The following PIEZO2 variants were observed in gnomAD, a reference collection of about 807,000 sequenced individuals.
PIEZO2 encodes piezo type mechanosensitive ion channel component 2.
PIEZO2 carries 172 observed loss-of-function variants against 337.3 expected under a neutral mutation model. That is an observed-to-expected ratio of 0.51 (90% confidence interval 0.45 to 0.58). The LOEUF (loss-of-function observed/expected upper bound fraction) is 0.58, where lower values mean the gene tolerates loss of function less well. PIEZO2 is among the 20% of genes least tolerant of loss of function. PIEZO2 has a pLI of 0.00. For missense variants in PIEZO2, 3,028 were observed against 3,391.3 expected (o/e 0.89, Z 2.66); for synonymous variants, 1,251 against 1,228.5 (o/e 1.02, Z -0.38).
chr18:11,076,213 T>C (rs1329040105), intron 1 of PIEZO2, among the ~76,000 whole-genome samples: 1 of 152,218 alleles, frequency 6.6e-6, no homozygotes. Context: ...AACTGATCAG[T>C]CAAGTATTCC....
chr18:10,843,353 A>G (rs1380201837), intron 7 of PIEZO2, among the ~76,000 whole-genome samples: 1 of 151,972 alleles, frequency 6.6e-6, no homozygotes, highest in East Asian at 1.9e-4. Flanking sequence ...ATAGCTAAGT[A>G]ATTGTTTTAT....
chr18:10,823,439 A>T (rs1055686957), intron 7 of PIEZO2, among the ~76,000 whole-genome samples: 29 of 152,142 alleles, frequency 1.9e-4, no homozygotes, highest in Admixed American at 2.6e-4. Flanking sequence ...ATAGCCCTGA[A>T]TTTTTTCTCA....
intron 2 of PIEZO2, among the ~76,000 whole-genome samples, chr18:11,023,796 G>C (rs943254333): frequency 2.0e-5 from 3 of 152,242 alleles, no homozygotes; most frequent in African/African-American, 7.2e-5. Context: ...TGCCCCGCTG[G>C]GAGGCAGCTA....
chr18:10,997,164 A>G (rs1414660216), intron 2 of PIEZO2, among the ~76,000 whole-genome samples: 1 of 151,998 alleles, frequency 6.6e-6, no homozygotes, highest in Non-Finnish European at 1.5e-5. Context: ...AAAGGTTTTG[A>G]GAACTGAACT....
At chr18:10,844,214 T>G (rs1272666687) in intron 7 of PIEZO2, among the ~76,000 whole-genome samples, 3 of 150,138 alleles carry the variant, frequency 2.0e-5, no homozygotes, top group African/African-American at 7.4e-5. Flanking sequence ...AGGCCAGGAG[T>G]TCGAGACCAG....
At chr18:10,721,288 A>T (rs552118180) in intron 36 of PIEZO2, among the ~76,000 whole-genome samples, 197 of 152,340 alleles carry the variant, frequency 1.3e-3, no homozygotes, top group African/African-American at 4.3e-3. Context: ...CAGTATACAT[A>T]AGGCACATAT....
At chr18:10,983,141 C>T (rs1303222620) in intron 2 of PIEZO2, among the ~76,000 whole-genome samples, 1 of 152,120 alleles carries the variant, frequency 6.6e-6, no homozygotes, top group Non-Finnish European at 1.5e-5. Context: ...TGATAAATGT[C>T]AAAGCCAACT....
Position 10,689,654 on chromosome 18 carries a change from C to A in PIEZO2, c.7497+1G>T. On this transcript the variant is annotated splice_donor_variant, in intron 49 of 55. Transcript: ENST00000674853. LOFTEE classifies it high-confidence loss of function. The stretch of plus-strand genomic sequence containing the variant: ...ATAAGGCACATCTCCTGGCTTCTTA[C>A]CTTCTCCGACTCCCGCCAACACTTC... 1 of 1,614,188 alleles carries A rather than the reference C, an allele frequency of 6.2e-7. No individual in the cohort carries two copies. The highest frequency in any genetic ancestry group is 8.5e-7 in the Non-Finnish European group (1 of 1,180,012).
In PIEZO2 at chr18:10,973,407, C is replaced by T. The variant is rs1442555046; in HGVS notation, c.286+6128G>A. 6.6e-6 allele frequency among the ~76,000 whole-genome samples: 1 copy of T among 152,228 alleles called. No individual in the cohort carries two copies. Among genetic ancestry groups the T allele is most frequent in the Non-Finnish European group, 1.5e-5 (1 of 68,040 alleles). The stretch of plus-strand genomic sequence containing the variant: ...TTTGCTCACTATGGAGAGCAGCAGT[C>T]TCCATCTAGGTCGGCATATGTCTCC... On this transcript the variant is annotated intron_variant, in intron 3 of 55. Coordinates refer to ENST00000674853, the MANE Select transcript of PIEZO2 (RefSeq NM_001378183.1). This position sits in a 1 kb window ranked among gnomAD's most constrained non-coding sequence, Gnocchi z 4.9.
At chr18:10,904,394 T>C (rs189169515) in intron 4 of PIEZO2, among the ~76,000 whole-genome samples, 54 of 152,350 alleles carry the variant, frequency 3.5e-4, no homozygotes, top group African/African-American at 1.3e-3. Context: ...ACTTTACTCA[T>C]TTGTAAGATG....
rs1333384360 is a variant in PIEZO2, at chr18:10,872,246, A to T, written c.330-831T>A. ...TGACACTTAGATAATTTTCACACAT[A>T]TAGGGCATTTTTGTTATAATTGAGA... On this transcript the variant is annotated intron_variant, in intron 4 of 55. Coordinates refer to ENST00000674853, the MANE Select transcript of PIEZO2 (RefSeq NM_001378183.1). This position sits in a 1 kb window ranked among gnomAD's most constrained non-coding sequence, Gnocchi z 4.3. Among the ~76,000 whole-genome samples, 3 of 152,206 alleles carry T rather than the reference A, an allele frequency of 2.0e-5. No homozygotes were observed. Among genetic ancestry groups the T allele is most frequent in the Non-Finnish European group, 4.4e-5 (3 of 68,038 alleles).
intron 4 of PIEZO2, chr18:10,890,824 C>T (rs2042734234): frequency 6.6e-6 from 1 of 152,094 alleles, no homozygotes; most frequent in African/African-American, 2.4e-5. Flanking sequence ...CTGCTGAGCA[C>T]TGGTGTTTAG....
At chr18:10,829,778 T>A (rs558940669) in intron 7 of PIEZO2, among the ~76,000 whole-genome samples, 2 of 151,958 alleles carry the variant, frequency 1.3e-5, no homozygotes, top group East Asian at 3.9e-4. Flanking sequence ...CTATAAAACA[T>A]TGATGGAAAA....
At position 11,078,215 on chromosome 18, in the gene PIEZO2, C is replaced by T. The variant is rs1311354953; in HGVS notation, c.65-11993G>A. ...ACTTGTATGGGCTTTATGTAAGCAG[C>T]AGTGGCTTTTTATAACAGGATTAAT... is the stretch of plus-strand genomic sequence containing the variant. On this transcript the variant is annotated intron_variant, in intron 1 of 55. Coordinates refer to ENST00000674853, the MANE Select transcript of PIEZO2 (RefSeq NM_001378183.1). The surrounding 1 kb of genome is among the most constrained non-coding windows in gnomAD (Gnocchi z 5.3). Among the ~76,000 whole-genome samples, 1 of 152,060 alleles carries T rather than the reference C, an allele frequency of 6.6e-6. No individual in the cohort carries two copies. The highest frequency in any genetic ancestry group is 1.5e-5 in the Non-Finnish European group (1 of 67,980).
rs1442030426 is a variant in PIEZO2 at position 10,833,453 on chromosome 18, G to A, written c.917+21900C>T. Among the ~76,000 whole-genome samples, 2 of 152,152 alleles carry A rather than the reference G, an allele frequency of 1.3e-5. No individual in the cohort carries two copies. The highest frequency in any genetic ancestry group is 2.9e-5 in the Non-Finnish European group (2 of 68,026). The stretch of plus-strand genomic sequence containing the variant: ...CCCAGAACCCCTGGAATCTCCTGGG[G>A]CGGGGCTGAAGGTGGCAGAACATGC... On this transcript the variant is annotated intron_variant, in intron 7 of 55. Transcript: ENST00000674853. This position sits in a 1 kb window ranked among gnomAD's most constrained non-coding sequence, Gnocchi z 4.7.
At chr18:11,095,179 T>C (rs1258127173) in intron 1 of PIEZO2, among the ~76,000 whole-genome samples, 1 of 152,226 alleles carries the variant, frequency 6.6e-6, no homozygotes, top group Admixed American at 6.5e-5. Context: ...AGAACTCAGG[T>C]AGACCATTCT....
intron 7 of PIEZO2, among the ~76,000 whole-genome samples, chr18:10,852,381 T>C (rs867233430): frequency 1.3e-5 from 2 of 152,144 alleles, no homozygotes; most frequent in African/African-American, 4.8e-5. Context: ...TGGATGCTTG[T>C]GTCCAGCACC....
intron 49 of PIEZO2, 62 bp downstream of exon 49, chr18:10,689,593 T>G: frequency 1.2e-6 from 2 of 1,608,894 alleles, no homozygotes; most frequent in Non-Finnish European, 1.7e-6. Context: ...CACATTCATC[T>G]TATAACCAGC....
At chr18:10,981,787 A>G (rs572675192) in intron 2 of PIEZO2, among the ~76,000 whole-genome samples, 2 of 152,192 alleles carry the variant, frequency 1.3e-5, no homozygotes, top group African/African-American at 2.4e-5. Context: ...GGAATGTGGA[A>G]GGACTAGACT....
Sources: gnomAD v4.1 joint callset for allele counts (sites outside exome capture counted in the v4.1 genomes callset) on GRCh38, gnomAD v4.1.1 for gene constraint, Gnocchi (gnomAD v3.1) non-coding constraint, MANE v1.5 for transcripts, NCBI Gene and HGNC (gene_info 2026-07-23, HGNC 2026-07-21) for gene names.